ZBTB16: variants seen among roughly 807,000 people sequenced by gnomAD.
ZBTB16 encodes the protein zinc finger and BTB domain-containing protein 16.
A neutral mutation model predicts 56.8 loss-of-function variants in ZBTB16; 8 were observed. The ratio of observed to expected loss-of-function variants is 0.14; its 90% CI spans 0.08 to 0.25. The LOEUF is 0.25. Among genes scored for constraint, ZBTB16 ranks in the 10% least tolerant of loss-of-function variants. ZBTB16 has a pLI of 1.00. For missense variants in ZBTB16, 625 were observed against 903.0 expected (o/e 0.69, Z 3.95); for synonymous variants, 363 against 368.5 (o/e 0.98, Z 0.17).
chr11:114,212,925 C>T (rs1944024712), intron 4 of ZBTB16, among the ~76,000 whole-genome samples: 2 of 151,924 alleles, frequency 1.3e-5, no homozygotes, highest in South Asian at 2.1e-4. Flanking sequence ...TAGAAAATGC[C>T]GGCACCCCTC....
Position 114,108,906 on chromosome 11 carries a change from C to T in ZBTB16, c.1268+44338C>T, listed in dbSNP as rs238916. ...TTTGTGGCTATTGGGACAGGCTGGC[C>T]TCAGTGTTGATGGGCAGGTAAGGGT... On this transcript the variant is annotated intron_variant, in intron 2 of 6. Coordinates refer to ENST00000335953, the MANE Select transcript of ZBTB16 (RefSeq NM_006006.6). Among the ~76,000 whole-genome samples the T allele has an allele frequency of 8.9e-3, 1,355 of 152,342 alleles. 26 individuals are homozygous for T. Among genetic ancestry groups the T allele is most frequent in the African/African-American group, 0.03 (1,266 of 41,584 alleles).
At chr11:114,158,104 C>T (rs535757432) in intron 3 of ZBTB16, among the ~76,000 whole-genome samples, 1 of 152,272 alleles carries the variant, frequency 6.6e-6, no homozygotes, top group East Asian at 1.9e-4. Flanking sequence ...CATGAACTAT[C>T]TGCCTACCAG....
At chr11:114,111,156 C>CGTGTGTGTGTGTGTGTGT (rs4020003) in intron 2 of ZBTB16, among the ~76,000 whole-genome samples, 214 of 148,956 alleles carry the variant, frequency 1.4e-3, no homozygotes, top group African/African-American at 5.0e-3. Context: ...ATCTGTGCTG[C>CGTGTGTGTGTGTGTGTGT]GTGTGTGTGT....
intron 4 of ZBTB16, among the ~76,000 whole-genome samples, chr11:114,235,635 T>C (rs1384813594): frequency 9.6e-5 from 2 of 20,726 alleles, no homozygotes; most frequent in East Asian, 2.5e-3. Context: ...CCTTCCTTTC[T>C]TTCTTTCTTT....
At chr11:114,080,542 A>G (rs970310504) in intron 2 of ZBTB16, among the ~76,000 whole-genome samples, 2 of 152,186 alleles carry the variant, frequency 1.3e-5, no homozygotes, top group Non-Finnish European at 2.9e-5. Flanking sequence ...GAAACCATTG[A>G]TGACATAAAT....
chr11:114,130,529 C>T (rs1941632718), intron 2 of ZBTB16, among the ~76,000 whole-genome samples: 1 of 152,218 alleles, frequency 6.6e-6, no homozygotes, highest in African/African-American at 2.4e-5. Context: ...CTTGCGAGCA[C>T]ACGCATCTAC....
chr11:114,098,646 G>A (rs1248051873), intron 2 of ZBTB16, among the ~76,000 whole-genome samples: 1 of 151,932 alleles, frequency 6.6e-6, no homozygotes, highest in Non-Finnish European at 1.5e-5. Flanking sequence ...TTTTTATCTT[G>A]AGTCAGGTGG....
chr11:114,066,868 T>G (rs1939138830), intron 2 of ZBTB16, among the ~76,000 whole-genome samples: 1 of 149,944 alleles, frequency 6.7e-6, no homozygotes, highest in African/African-American at 2.5e-5. Context: ...CCTCCCGGGT[T>G]CAAGCGATTC....
chr11:114,066,572 C>T (rs1049501947), intron 2 of ZBTB16, among the ~76,000 whole-genome samples: 3 of 152,056 alleles, frequency 2.0e-5, no homozygotes, highest in Non-Finnish European at 2.9e-5. Context: ...CTTTTCTTTA[C>T]CCGAGAGGGC....
chr11:114,153,828 G>A (rs577834886), intron 2 of ZBTB16, among the ~76,000 whole-genome samples: 3 of 152,326 alleles, frequency 2.0e-5, no homozygotes, highest in Admixed American at 1.3e-4. Context: ...AATATTTGAT[G>A]TGATCTTCAT....
At chr11:114,233,106 C>G (rs1388305078) in intron 4 of ZBTB16, among the ~76,000 whole-genome samples, 6 of 43,058 alleles carry the variant, frequency 1.4e-4, no homozygotes, top group African/African-American at 2.6e-4. Context: ...CACACACACA[C>G]ACACACACAC....
At chr11:114,190,766 T>C (rs1014981918) in intron 4 of ZBTB16, among the ~76,000 whole-genome samples, 16 of 150,490 alleles carry the variant, frequency 1.1e-4, no homozygotes, top group Admixed American at 4.0e-4. Flanking sequence ...CACATATATA[T>C]ACACACATGT....
At chr11:114,113,985 T>G (rs1941097993) in intron 2 of ZBTB16, among the ~76,000 whole-genome samples, 1 of 152,240 alleles carries the variant, frequency 6.6e-6, no homozygotes, top group Non-Finnish European at 1.5e-5. Flanking sequence ...TCTTTTCTAT[T>G]AGAAAGCTGA....
chr11:114,099,796 G>GA (rs57862786), intron 2 of ZBTB16, among the ~76,000 whole-genome samples: 13,224 of 152,206 alleles, frequency 0.087, 739 homozygotes, highest in East Asian at 0.15. Flanking sequence ...GGATTCAGTA[G>GA]AAAAAAATAC....
At chr11:114,149,027 G>C (rs1195378693) in intron 2 of ZBTB16, among the ~76,000 whole-genome samples, 1 of 152,152 alleles carries the variant, frequency 6.6e-6, no homozygotes, top group Non-Finnish European at 1.5e-5. Context: ...TCTGAGGTCA[G>C]TGATGAAGAC....
chr11:114,179,452 C>T (rs949454638), intron 3 of ZBTB16, among the ~76,000 whole-genome samples: 4 of 152,292 alleles, frequency 2.6e-5, no homozygotes, highest in South Asian at 2.1e-4. Context: ...AAATGCCCTG[C>T]GTCTGTACTC....
At chr11:114,148,437 T>TGTCTGTCTG (rs1565651872) in intron 2 of ZBTB16, among the ~76,000 whole-genome samples, 2 of 53,852 alleles carry the variant, frequency 3.7e-5, no homozygotes, top group Admixed American at 2.1e-4. Flanking sequence ...CTCTCTCTCT[T>TGTCTGTCTG]TCTCTCTCTC....
At chr11:114,073,404 T>G (rs1939424185) in intron 2 of ZBTB16, among the ~76,000 whole-genome samples, 1 of 152,220 alleles carries the variant, frequency 6.6e-6, no homozygotes, top group African/African-American at 2.4e-5. Context: ...GCCAGCATAA[T>G]CAGAAATTCC....
At chr11:114,211,243 CCTT>C (rs1943993432) in intron 4 of ZBTB16, among the ~76,000 whole-genome samples, 1 of 152,112 alleles carries the variant, frequency 6.6e-6, no homozygotes, top group Non-Finnish European at 1.5e-5. Context: ...TTGATTTCTA[CCTT>C]CTTCTCCTTC....
Sources: gnomAD v4.1 joint callset for allele counts (sites outside exome capture counted in the v4.1 genomes callset) on GRCh38, gnomAD v4.1.1 for gene constraint, MANE v1.5 for transcripts, NCBI Gene and HGNC (gene_info 2026-07-23, HGNC 2026-07-21) for gene names.